Variants in MED13 observed in about 807,000 individuals in gnomAD.
MED13 encodes the protein mediator of RNA polymerase II transcription subunit 13.
MED13 carries 23 observed loss-of-function variants against 225.2 expected under a neutral mutation model. The ratio of observed to expected loss-of-function variants is 0.10; its 90% CI spans 0.07 to 0.14. The LOEUF is 0.14. Among genes scored for constraint, MED13 ranks in the 10% least tolerant of loss-of-function variants. The pLI, the probability that MED13 is intolerant of heterozygous loss-of-function variation, is 1.00. For synonymous variants in MED13, 942 were observed against 889.2 expected (o/e 1.06, Z -1.06); for missense variants, 2,197 against 2,594.5 (o/e 0.85, Z 3.33).
chr17:61,968,087 G>T lies in MED13; in HGVS notation c.4139C>A (p.Ala1380Asp). Residue 1380 changes from alanine to aspartate, a missense_variant, in exon 18 of 30, where the codon GCC becomes GAC. By Grantham distance (126) the Ala-to-Asp change is moderately radical. This residue lies in a region of MED13 where 47 missense variants were observed against 93.8 expected (regional missense o/e 0.50). Transcript: ENST00000397786. ...AYVVLCPENE[A>D]LLNGAKSFFR... ...AAAGCTTTTTGCTCCATTTAACAAG[G>T]CTTCATTTTCTGGACACAGTACAAC... The T allele has an allele frequency of 6.2e-7, 1 of 1,613,880 alleles. No individual in the cohort carries two copies. Among genetic ancestry groups the T allele is most frequent in the Non-Finnish European group, 8.5e-7 (1 of 1,179,902 alleles).
intron 16 of MED13, among the ~76,000 whole-genome samples, chr17:61,979,749 C>A (rs1167873107): frequency 6.6e-6 from 1 of 152,292 alleles, no homozygotes; most frequent in East Asian, 1.9e-4. Flanking sequence ...GCTTCTCATC[C>A]CGTTCTTTTG....
intron 2 of MED13, among the ~76,000 whole-genome samples, chr17:62,057,817 G>T (rs2081007302): frequency 6.6e-6 from 1 of 152,112 alleles, no homozygotes; most frequent in South Asian, 2.1e-4. Flanking sequence ...AATATTTTTA[G>T]CCCTGAGTTT....
intron 6 of MED13, chr17:62,031,177 C>G (rs1347887053): frequency 3.9e-6 from 1 of 255,848 alleles, no homozygotes; most frequent in Admixed American, 5.5e-5. Flanking sequence ...GGGAAACACA[C>G]TGAGTACACA....
At chr17:61,947,109 T>A in intron 28 of MED13, 92 bp from the exon 29 acceptor site, 1 of 851,134 alleles carries the variant, frequency 1.2e-6, no homozygotes, top group South Asian at 1.5e-5. Context: ...TCTTATAAAA[T>A]GATGAAATAC....
At chr17:62,060,385 G>A (rs1333595709) in intron 2 of MED13, among the ~76,000 whole-genome samples, 1 of 152,084 alleles carries the variant, frequency 6.6e-6, no homozygotes, top group African/African-American at 2.4e-5. Flanking sequence ...CAGTTTGGGA[G>A]GCCAAGGCTG....
At chr17:62,043,582 T>G (rs755674313) in intron 3 of MED13, among the ~76,000 whole-genome samples, 3 of 152,188 alleles carry the variant, frequency 2.0e-5, no homozygotes, top group Admixed American at 6.5e-5. Context: ...AAGGTACCTT[T>G]CACTAATAAA....
rs142300158 is a variant in MED13, at chr17:62,044,697, T to C, written c.470+7840A>G. 3.5e-3 allele frequency among the ~76,000 whole-genome samples: 528 copies of C among 152,298 alleles called. 2 individuals are homozygous for C. The highest frequency in any genetic ancestry group is 0.011 in the African/African-American group (476 of 41,578). On this transcript the variant is annotated intron_variant, in intron 3 of 29. Transcript: ENST00000397786. ...CCTTTTTTGAGATGGAGTTTCACTC[T>C]TGTCACCCAGGCTGGAGTGCAGTGG...
At chr17:61,950,404 CAG>C (rs2079886779) in intron 28 of MED13, among the ~76,000 whole-genome samples, 2 of 147,526 alleles carry the variant, frequency 1.4e-5, no homozygotes, top group South Asian at 4.3e-4. Context: ...TTTTTTGAGA[CAG>C]AGTCTCAGAT....
chr17:61,963,114 T>C, intron 20 of MED13, 143 bp from the exon 21 acceptor site: 1 of 647,440 alleles, frequency 1.5e-6, no homozygotes, highest in South Asian at 1.9e-5. Flanking sequence ...GGACATTTCT[T>C]TCTCGCCAAA....
At chr17:61,993,196 CTTTCTT>C (rs1264616573) in intron 10 of MED13, among the ~76,000 whole-genome samples, 5 of 127,386 alleles carry the variant, frequency 3.9e-5, no homozygotes, top group African/African-American at 1.8e-4. Flanking sequence ...TTCTTTCTTT[CTTTCTT>C]TTTTTTTTTT....
chr17:62,027,255 G>A (rs1246557183), intron 8 of MED13, among the ~76,000 whole-genome samples: 1 of 152,098 alleles, frequency 6.6e-6, no homozygotes, highest in Non-Finnish European at 1.5e-5. Context: ...CAATGAAACA[G>A]AATAGAGAGC....
At chr17:61,967,899 TG>T (rs1444019155) in intron 18 of MED13, 135 bp downstream of exon 18, 1 of 677,044 alleles carries the variant, frequency 1.5e-6, no homozygotes, top group Admixed American at 2.9e-5. Flanking sequence ...AGAATGTAAC[TG>T]GCTAGTATGA....
intron 3 of MED13, among the ~76,000 whole-genome samples, chr17:62,046,755 T>C (rs982144215): frequency 1.7e-4 from 26 of 152,212 alleles, no homozygotes; most frequent in African/African-American, 6.3e-4. Context: ...GAGGACTACT[T>C]GAGCCTGGCA....
chr17:62,054,096 C>G (rs1178826463), intron 2 of MED13, among the ~76,000 whole-genome samples: 1 of 151,894 alleles, frequency 6.6e-6, no homozygotes, highest in Non-Finnish European at 1.5e-5. Context: ...CACCTGAGGT[C>G]AGGAGTTCAA....
chr17:61,988,566 A>T (rs1405014486), intron 11 of MED13, among the ~76,000 whole-genome samples: 1 of 152,310 alleles, frequency 6.6e-6, no homozygotes, highest in Admixed American at 6.5e-5. Context: ...CTAAAAACCA[A>T]GATTTTGAAG....
intron 14 of MED13, 47 bp from the exon 15 acceptor site, chr17:61,984,414 GA>G: frequency 7.3e-7 from 1 of 1,373,168 alleles, no homozygotes. Context: ...CTTCTAGGAG[GA>G]AAAAATAAAT....
chr17:62,006,934 TA>T (rs1008828298), intron 9 of MED13: 12 of 144,088 alleles, frequency 8.3e-5, no homozygotes, highest in African/African-American at 3.1e-4. Flanking sequence ...CTCAAAAAAA[TA>T]AAATTAAAAT....
chr17:62,047,793 A>G (rs536387803), intron 3 of MED13, among the ~76,000 whole-genome samples: 117 of 151,900 alleles, frequency 7.7e-4, no homozygotes, highest in African/African-American at 2.7e-3. Context: ...GGGTCTAGCT[A>G]TGTTTCCCAG....
intron 16 of MED13, 130 bp from the exon 17 acceptor site, chr17:61,973,018 G>T: frequency 1.6e-6 from 1 of 624,364 alleles, no homozygotes; most frequent in Non-Finnish European, 2.6e-6. Context: ...ACCCTTACTT[G>T]TGCAGAGAAT....
Sources: allele counts gnomAD v4.1 joint callset (sites outside exome capture counted in the v4.1 genomes callset), GRCh38; gene constraint gnomAD v4.1.1; regional missense constraint gnomAD v4.1.1; transcripts MANE v1.5; gene names NCBI Gene and HGNC (gene_info 2026-07-23, HGNC 2026-07-21).